The following TESMIN variants were observed in gnomAD, a reference collection of about 807,000 sequenced individuals.
TESMIN encodes CXC domain containing 2.
In TESMIN, 34 loss-of-function variants were observed where a neutral mutation model predicts 47.4. That is an observed-to-expected ratio of 0.72 (90% CI 0.55 to 0.96). The LOEUF (loss-of-function observed/expected upper bound fraction) is 0.96. Among genes scored for constraint, TESMIN ranks in the 40% least tolerant of loss-of-function variants. The pLI, the probability that TESMIN is intolerant of heterozygous loss-of-function variation, is 0.00. For synonymous variants in TESMIN, 278 were observed against 258.9 expected (o/e 1.07, Z -0.71); for missense variants, 610 against 637.2 (o/e 0.96, Z 0.46).
In TESMIN at chr11:68,738,682, A is replaced by G; in HGVS notation, c.917+18T>C. 6.2e-7 allele frequency: 1 copy of G among 1,613,614 alleles called. No homozygotes were observed. The highest frequency in any genetic ancestry group is 8.5e-7 in the Non-Finnish European group (1 of 1,179,706). The stretch of plus-strand genomic sequence containing the variant: ...AATTATTACATTAGAGTGACAATGT[A>G]TTGCTTCTAATCCTTACCCAGCCAA... On this transcript the variant is annotated intron_variant, in intron 6 of 9. Coordinates refer to ENST00000255087, the MANE Select transcript of TESMIN (RefSeq NM_004923.3).
At chr11:68,722,070 C>T (rs1946210230) in intron 6 of TESMIN, among the ~76,000 whole-genome samples, 1 of 152,172 alleles carries the variant, frequency 6.6e-6, no homozygotes, top group South Asian at 2.1e-4. Context: ...TTCATCCATA[C>T]AATGGAATAT....
At chr11:68,734,028 T>G (rs1946359403) in intron 6 of TESMIN, among the ~76,000 whole-genome samples, 1 of 152,208 alleles carries the variant, frequency 6.6e-6, no homozygotes. Context: ...CTCTATTTTT[T>G]GTGCTCCTCT....
At position 68,711,731 on chromosome 11, in the gene TESMIN, C is replaced by T. The variant is rs780842693; in HGVS notation, c.1159-682G>A. On this transcript the variant is annotated intron_variant, in intron 8 of 9. Transcript: ENST00000255087. The stretch of plus-strand genomic sequence containing the variant: ...AGAGAATGTACAAGAGAGTAGAATT[C>T]GAAATCTGCCTGAGAGCAGGCCTGT... Among the ~76,000 whole-genome samples, 7 of 152,188 alleles carry T rather than the reference C, an allele frequency of 4.6e-5. No homozygotes were observed. The East Asian group carries it at 7.7e-4, about 17-fold the overall frequency.
At chr11:68,749,818 A>T (rs1336300783) in intron 2 of TESMIN, among the ~76,000 whole-genome samples, 1 of 152,124 alleles carries the variant, frequency 6.6e-6, no homozygotes, top group Non-Finnish European at 1.5e-5. Context: ...TTGTTTTCAC[A>T]GACAATAGTT....
Position 68,707,738 on chromosome 11 carries a change from G to T in TESMIN, c.*570C>A, listed in dbSNP as rs1946012915. 6.8e-6 allele frequency: 3 copies of T among 441,696 alleles called. No individual in the cohort carries two copies. The highest frequency in any genetic ancestry group is 1.4e-5 in the Non-Finnish European group (3 of 216,224). The allele number at this position is 441,696 out of a possible 1,614,324, so 27.4% of individuals were successfully genotyped here. On this transcript the variant is annotated 3_prime_UTR_variant, in exon 10 of 10. Coordinates refer to ENST00000255087, the MANE Select transcript of TESMIN (RefSeq NM_004923.3). The stretch of plus-strand genomic sequence containing the variant: ...TGCGTCTCCCGGGGGCCTTAGGAAA[G>T]ACTGACAGTTCGCGTGCCTCTGGGG...
At chr11:68,723,328 T>G (rs1213228360) in intron 6 of TESMIN, among the ~76,000 whole-genome samples, 2 of 151,750 alleles carry the variant, frequency 1.3e-5, no homozygotes, top group Non-Finnish European at 2.9e-5. Context: ...AAATAACTCA[T>G]GAGGTAAAGA....
chr11:68,710,478 A>G (rs1341571349), intron 9 of TESMIN: 1 of 171,022 alleles, frequency 5.8e-6, no homozygotes, highest in Non-Finnish European at 1.2e-5. Context: ...CTTTGCTGCC[A>G]CTTCCCACGA....
intron 6 of TESMIN, among the ~76,000 whole-genome samples, chr11:68,724,410 C>T (rs1946237297): frequency 6.6e-6 from 1 of 152,204 alleles, no homozygotes; most frequent in African/African-American, 2.4e-5. Context: ...GGGCACGTAG[C>T]AGAGAAGCCA....
chr11:68,737,143 C>T, intron 6 of TESMIN: 1 of 985,402 alleles, frequency 1.0e-6, no homozygotes, highest in South Asian at 4.7e-5. Flanking sequence ...CTGGAAGTAG[C>T]TGAAGTCATT....
chr11:68,749,081 G>A (rs533989752), intron 2 of TESMIN, among the ~76,000 whole-genome samples: 1 of 152,180 alleles, frequency 6.6e-6, no homozygotes, highest in Non-Finnish European at 1.5e-5. Flanking sequence ...TAGGACCTAC[G>A]GGCAGGAGGC....
At chr11:68,749,396 C>T (rs1345788035) in intron 2 of TESMIN, among the ~76,000 whole-genome samples, 1 of 152,246 alleles carries the variant, frequency 6.6e-6, no homozygotes, top group African/African-American at 2.4e-5. Flanking sequence ...AGCATTGTGT[C>T]CCACAAACGC....
chr11:68,707,017 A>G (rs982120689), downstream of TESMIN, among the ~76,000 whole-genome samples: 2 of 152,252 alleles, frequency 1.3e-5, no homozygotes, highest in South Asian at 2.1e-4. Flanking sequence ...CTGAAAGCAC[A>G]CACAGCAAGT....
intron 6 of TESMIN, 154 bp downstream of exon 6, chr11:68,738,546 C>T (rs113747740): frequency 8.2e-5 from 117 of 1,425,048 alleles, no homozygotes; most frequent in African/African-American, 3.6e-4. Context: ...ACAGCAACAC[C>T]GTTAGTGGCA....
chr11:68,733,737 AAAAAAG>A (rs1946355256), intron 6 of TESMIN: 1 of 152,246 alleles, frequency 6.6e-6, no homozygotes, highest in South Asian at 2.1e-4. Flanking sequence ...TATAAAGATT[AAAAAAG>A]AAAATGTATT....
intron 6 of TESMIN, chr11:68,738,013 C>T (rs1946408317): frequency 1.0e-6 from 1 of 985,462 alleles, no homozygotes; most frequent in Admixed American, 6.1e-5. Flanking sequence ...TAATCAACTA[C>T]AGGGCTCAAC....
chr11:68,708,359 T>C lies in TESMIN; in HGVS notation c.1476A>G (p.Leu492=), dbSNP rs1566309740. ...TAAACTCAGTGTGGAGAATCTGTGA[T>C]AAGCACCTTCCAAATTCCTCCAGGA... ...QMILEEFGRC[L]SQILHTEFKS... The change falls in exon 10 of 10, where the codon TTA becomes TTG. Residue 492 remains leucine, a synonymous_variant. Coordinates refer to ENST00000255087, the MANE Select transcript of TESMIN (RefSeq NM_004923.3). 2.5e-6 allele frequency: 4 copies of C among 1,613,886 alleles called. 1 individual carries two copies.
At chr11:68,718,480 G>A (rs1038839104) in intron 6 of TESMIN, among the ~76,000 whole-genome samples, 1 of 152,200 alleles carries the variant, frequency 6.6e-6, no homozygotes, top group Non-Finnish European at 1.5e-5. Flanking sequence ...CTAATCAGAG[G>A]AGAAAGCAAC....
At chr11:68,736,300 G>A (rs1472738959) in intron 6 of TESMIN, 1 of 985,298 alleles carries the variant, frequency 1.0e-6, no homozygotes. Flanking sequence ...TGATAAGCTA[G>A]TTAATAAGTT....
chr11:68,716,701 T>G (rs558082324), intron 6 of TESMIN, among the ~76,000 whole-genome samples: 5 of 152,318 alleles, frequency 3.3e-5, no homozygotes, highest in Admixed American at 6.5e-5. Flanking sequence ...GCTCCTGCAT[T>G]GTAAGGCAGA....
Sources: gnomAD v4.1 joint callset for allele counts (sites outside exome capture counted in the v4.1 genomes callset) on GRCh38, gnomAD v4.1.1 for gene constraint, MANE v1.5 for transcripts, NCBI Gene and HGNC (gene_info 2026-07-23, HGNC 2026-07-21) for gene names.